Variants in TFPI observed in about 807,000 individuals in gnomAD.
TFPI encodes anti-convertin.
A neutral mutation model predicts 34.6 loss-of-function variants in TFPI; 15 were observed. The ratio of observed to expected loss-of-function variants is 0.43; its 90% CI spans 0.29 to 0.67. TFPI has a LOEUF of 0.67. Among genes scored for constraint, TFPI ranks in the 30% least tolerant of loss-of-function variants. The pLI is 0.15. For synonymous variants in TFPI, 105 were observed against 120.1 expected (o/e 0.87, Z 0.82); for missense variants, 301 against 364.0 (o/e 0.83, Z 1.41).
chr2:187,478,575 A>G, intron 6 of TFPI: 1 of 1,424,962 alleles, frequency 7.0e-7, no homozygotes, highest in Non-Finnish European at 9.2e-7. Flanking sequence ...TGAGAAGACT[A>G]TGTTTACTAT....
At chr2:187,500,166 A>T (rs532217136) in intron 2 of TFPI, among the ~76,000 whole-genome samples, 1 of 152,198 alleles carries the variant, frequency 6.6e-6, no homozygotes, top group Non-Finnish European at 1.5e-5. Context: ...GCAAAAGCTG[A>T]TAAACTCGCT....
intron 1 of TFPI, chr2:187,547,194 T>G (rs2106326315): frequency 6.6e-6 from 1 of 152,272 alleles, no homozygotes; most frequent in South Asian, 2.1e-4. Flanking sequence ...AATGTTACTT[T>G]ATTATATTTA....
chr2:187,513,288 T>C (rs1405113565), intron 1 of TFPI, among the ~76,000 whole-genome samples: 3 of 152,142 alleles, frequency 2.0e-5, no homozygotes, highest in African/African-American at 7.2e-5. Context: ...ACCTGCTCTT[T>C]AACAAAAACT....
rs187671491 is a variant in TFPI, at chr2:187,499,250, G to T, written c.122-2172C>A. Among the ~76,000 whole-genome samples the T allele has an allele frequency of 9.7e-3, 1,464 of 151,684 alleles. 16 individuals are homozygous for T. Among genetic ancestry groups the T allele is most frequent in the Non-Finnish European group, 0.015 (1,046 of 67,818 alleles). On this transcript the variant is annotated intron_variant, in intron 2 of 7. Coordinates refer to ENST00000233156, the MANE Select transcript of TFPI (RefSeq NM_006287.6). ...TACCTATAAATATGAGCACTTCATG[G>T]TAAAATTTTCCATTTTTCTTAAATT...
chr2:187,538,698 T>G (rs1181458188), intron 1 of TFPI, among the ~76,000 whole-genome samples: 1 of 152,160 alleles, frequency 6.6e-6, no homozygotes, highest in Non-Finnish European at 1.5e-5. Flanking sequence ...TACAAACCTG[T>G]ATATTCTGCA....
chr2:187,523,595 GTA>G, intron 1 of TFPI, among the ~76,000 whole-genome samples: 1 of 151,948 alleles, frequency 6.6e-6, no homozygotes, highest in Middle Eastern at 3.4e-3. Context: ...TTTTTAAATT[GTA>G]TAAATTAAGG....
At chr2:187,526,439 T>C (rs569094016) in intron 1 of TFPI, among the ~76,000 whole-genome samples, 1 of 152,084 alleles carries the variant, frequency 6.6e-6, no homozygotes, top group South Asian at 2.1e-4. Flanking sequence ...GCAACAGATA[T>C]TGACAAAAAT....
chr2:187,499,206 G>C (rs1341464672), intron 2 of TFPI, among the ~76,000 whole-genome samples: 1 of 151,340 alleles, frequency 6.6e-6, no homozygotes, highest in Admixed American at 6.6e-5. Flanking sequence ...GGTCTCTCAG[G>C]CATATAGAGA....
chr2:187,505,862 C>G (rs971610074), intron 1 of TFPI, among the ~76,000 whole-genome samples: 1 of 151,904 alleles, frequency 6.6e-6, no homozygotes, highest in Non-Finnish European at 1.5e-5. Flanking sequence ...TGGAAACGGA[C>G]AAGTGTAACT....
chr2:187,500,040 G>T (rs1356261071), intron 2 of TFPI, among the ~76,000 whole-genome samples: 1 of 152,012 alleles, frequency 6.6e-6, no homozygotes, highest in Non-Finnish European at 1.5e-5. Flanking sequence ...ATATTTGATA[G>T]TATTTATTAT....
chr2:187,538,348 A>G (rs1206929709), intron 1 of TFPI, among the ~76,000 whole-genome samples: 1 of 152,258 alleles, frequency 6.6e-6, no homozygotes, highest in Non-Finnish European at 1.5e-5. Context: ...ATGCCTGACA[A>G]TGATAGACTG....
chr2:187,487,810 G>A (rs2106030505), intron 4 of TFPI, among the ~76,000 whole-genome samples: 1 of 151,300 alleles, frequency 6.6e-6, no homozygotes, highest in East Asian at 1.9e-4. Context: ...ACTTACTTTT[G>A]CATGTATAAC....
At chr2:187,490,545 G>A (rs556804447) in intron 3 of TFPI, among the ~76,000 whole-genome samples, 1 of 151,472 alleles carries the variant, frequency 6.6e-6, no homozygotes, top group East Asian at 1.9e-4. Flanking sequence ...TCATTCTTAT[G>A]ATTAGTGCTT....
rs569222972 is a variant in TFPI, at chr2:187,528,246, C to T, written c.-2-24476G>A. Among the ~76,000 whole-genome samples, 6 of 152,226 alleles carry T rather than the reference C, an allele frequency of 3.9e-5. No individual in the cohort carries two copies. In the South Asian group the frequency reaches 1.2e-3, roughly 32 times the overall value. ...AAAGCTTAGAAACCTGGAGAATTGC[C>T]TCTCACAGCTGGGAATAGGGCAAAG... On this transcript the variant is annotated intron_variant, in intron 1 of 7. Transcript: ENST00000233156.
At chr2:187,479,032 T>C (rs1276384388) in intron 6 of TFPI, among the ~76,000 whole-genome samples, 1 of 152,088 alleles carries the variant, frequency 6.6e-6, no homozygotes, top group African/African-American at 2.4e-5. Flanking sequence ...AAAGAAGGCC[T>C]CCTTATGGTA....
chr2:187,548,549 A>G (rs1418628248), intron 1 of TFPI, among the ~76,000 whole-genome samples: 1 of 152,044 alleles, frequency 6.6e-6, no homozygotes, highest in Admixed American at 6.6e-5. Flanking sequence ...TGGTCTCCCC[A>G]TGTCTTTTAC....
In TFPI at chr2:187,480,904, C is replaced by G. The variant is rs574301798; in HGVS notation, c.628+3220G>C. ...GTGCTTAGTAAGTATTCAAGTATCTCGAATCAAGAAAGCTTACTGGAAAAA... is the reference window on the plus strand; with the variant it reads ...GTGCTTAGTAAGTATTCAAGTATCTGGAATCAAGAAAGCTTACTGGAAAAA... On this transcript the variant is annotated intron_variant, in intron 6 of 7. Transcript: ENST00000233156. Among the ~76,000 whole-genome samples, 3 of 151,710 alleles carry G rather than the reference C, an allele frequency of 2.0e-5. No homozygotes were observed. The South Asian group carries it at 6.2e-4, about 32-fold the overall frequency.
At chr2:187,480,283 G>A (rs557442534) in intron 6 of TFPI, among the ~76,000 whole-genome samples, 4 of 152,004 alleles carry the variant, frequency 2.6e-5, no homozygotes, top group Admixed American at 2.6e-4. Flanking sequence ...AAGGCCTGGT[G>A]AATTAAGTGT....
At chr2:187,507,529 C>T (rs982317726) in intron 1 of TFPI, among the ~76,000 whole-genome samples, 1 of 152,096 alleles carries the variant, frequency 6.6e-6, no homozygotes, top group Admixed American at 6.5e-5. Context: ...TCTGTTATTT[C>T]CTGACTTTTT....
Sources: allele counts gnomAD v4.1 joint callset (sites outside exome capture counted in the v4.1 genomes callset), GRCh38; gene constraint gnomAD v4.1.1; transcripts MANE v1.5; gene names NCBI Gene and HGNC (gene_info 2026-07-23, HGNC 2026-07-21).